SKA2: variants seen among roughly 807,000 people sequenced by gnomAD.
SKA2 encodes spindle and kinetochore-associated protein 2.
A neutral mutation model predicts 16.9 loss-of-function variants in SKA2; 13 were observed. The ratio of observed to expected loss-of-function variants is 0.77; its 90% CI spans 0.50 to 1.22. SKA2 has a LOEUF of 1.22. Ranked by LOEUF, SKA2 falls within the 50% of genes most tolerant of loss-of-function variation. The pLI is 0.00. For synonymous variants in SKA2, 47 were observed against 48.5 expected (o/e 0.97, Z 0.13); for missense variants, 107 against 139.7 (o/e 0.77, Z 1.18).
intron 1 of SKA2, among the ~76,000 whole-genome samples, chr17:59,144,590 G>T (rs1042821639): frequency 2.0e-5 from 3 of 152,284 alleles, no homozygotes; most frequent in South Asian, 4.1e-4. Context: ...TTAAAAAATT[G>T]AAGGAAATCT....
chr17:59,134,727 T>C (rs1252497455), intron 1 of SKA2, among the ~76,000 whole-genome samples: 1 of 152,108 alleles, frequency 6.6e-6, no homozygotes, highest in Non-Finnish European at 1.5e-5. Context: ...AACTGAGACC[T>C]CCAAGGTTTG....
intron 1 of SKA2, among the ~76,000 whole-genome samples, chr17:59,147,501 T>C (rs1454359783): frequency 6.6e-6 from 1 of 152,172 alleles, no homozygotes; most frequent in African/African-American, 2.4e-5. Flanking sequence ...ATTTTAGGTA[T>C]CTTTCTTCCC....
chr17:59,136,540 A>C (rs568447196), intron 1 of SKA2, among the ~76,000 whole-genome samples: 1 of 151,638 alleles, frequency 6.6e-6, no homozygotes, highest in South Asian at 2.1e-4. Context: ...GTTGAAAGAT[A>C]GAAAAATAAG....
intron 1 of SKA2, among the ~76,000 whole-genome samples, chr17:59,148,772 G>A (rs1312088282): frequency 8.0e-6 from 1 of 124,656 alleles, no homozygotes; most frequent in African/African-American, 3.2e-5. Context: ...GACCGCCACT[G>A]TACTGCAACC....
Position 59,110,236 on chromosome 17 carries a change from A to T in SKA2, c.*2041T>A, listed in dbSNP as rs2046254650. ...GAACAATGTTAAGGGGGCTGTGGGG[A>T]AAAAACAACATTTGGAAGATAACTG... is the stretch of plus-strand genomic sequence containing the variant. On this transcript the variant is annotated 3_prime_UTR_variant, in exon 4 of 4. Transcript: ENST00000330137. The T allele has an allele frequency of 6.6e-6, 1 of 152,174 alleles. No individual in the cohort carries two copies. The highest frequency in any genetic ancestry group is 1.9e-4 in the East Asian group (1 of 5,196). 9.4% of individuals were successfully genotyped at this position (152,174 alleles called of 1,614,324 possible).
intron 1 of SKA2, among the ~76,000 whole-genome samples, chr17:59,136,352 C>T (rs1271241706): frequency 3.3e-5 from 5 of 151,264 alleles, no homozygotes; most frequent in Non-Finnish European, 5.9e-5. Flanking sequence ...TTAGTAGAGA[C>T]GGGGTATCAC....
chr17:59,150,881 C>A (rs1375124166), intron 1 of SKA2, among the ~76,000 whole-genome samples: 2 of 152,024 alleles, frequency 1.3e-5, no homozygotes, highest in African/African-American at 4.8e-5. Context: ...TAACAGAAAG[C>A]AACAAATTAT....
chr17:59,144,243 TAA>T (rs1160207976), intron 1 of SKA2, among the ~76,000 whole-genome samples: 13 of 125,164 alleles, frequency 1.0e-4, no homozygotes, highest in Non-Finnish European at 1.2e-4. Flanking sequence ...ATAGTCACCA[TAA>T]AAAAAAAAAA....
chr17:59,121,724 G>A (rs1038458104), intron 2 of SKA2, among the ~76,000 whole-genome samples: 1 of 149,052 alleles, frequency 6.7e-6, no homozygotes, highest in African/African-American at 2.5e-5. Context: ...CGAGGCGGGC[G>A]GATTGCCTGA....
chr17:59,120,867 G>A (rs1345138771), intron 2 of SKA2, among the ~76,000 whole-genome samples: 2 of 151,922 alleles, frequency 1.3e-5, no homozygotes, highest in South Asian at 2.1e-4. Flanking sequence ...CAAACAAAGG[G>A]TTAGGCCGGG....
chr17:59,117,026 A>C (rs572079973), intron 3 of SKA2, among the ~76,000 whole-genome samples: 1 of 152,118 alleles, frequency 6.6e-6, no homozygotes, highest in South Asian at 2.1e-4. Context: ...CATGTCAGCC[A>C]GGATGGTCTC....
At chr17:59,136,629 A>G (rs1283957383) in intron 1 of SKA2, among the ~76,000 whole-genome samples, 1 of 151,448 alleles carries the variant, frequency 6.6e-6, no homozygotes, top group Non-Finnish European at 1.5e-5. Flanking sequence ...GCTGACTGCA[A>G]CCTCCACTTC....
At chr17:59,136,799 G>C (rs560817559) in intron 1 of SKA2, among the ~76,000 whole-genome samples, 1 of 151,902 alleles carries the variant, frequency 6.6e-6, no homozygotes, top group Non-Finnish European at 1.5e-5. Context: ...CGCCCTCCTC[G>C]GCCTCCAAAA....
At chr17:59,137,402 A>T (rs2147811386) in intron 1 of SKA2, among the ~76,000 whole-genome samples, 1 of 152,308 alleles carries the variant, frequency 6.6e-6, no homozygotes, top group African/African-American at 2.4e-5. Flanking sequence ...GTCAACTAAA[A>T]ATTCCCTCTG....
In SKA2 at chr17:59,131,263, A is replaced by C; in HGVS notation, c.120+18T>G. ...GTTAAGGCTGATTTTTTTTAAGCTT[A>C]TTTATTTCGGAGATTACCTCACTTG... On this transcript the variant is annotated intron_variant, in intron 2 of 3. Coordinates refer to ENST00000330137, the MANE Select transcript of SKA2 (RefSeq NM_182620.4). 1.3e-6 allele frequency: 2 copies of C among 1,549,638 alleles called. No homozygotes were observed. Among genetic ancestry groups the C allele is most frequent in the Non-Finnish European group, 1.8e-6 (2 of 1,142,350 alleles).
intron 2 of SKA2, among the ~76,000 whole-genome samples, chr17:59,125,059 C>T (rs898012595): frequency 2.0e-5 from 3 of 149,234 alleles, no homozygotes; most frequent in Non-Finnish European, 4.4e-5. Flanking sequence ...CCGCAACTTT[C>T]GCCTCCCAGG....
chr17:59,152,705 T>C (rs1209240884), intron 1 of SKA2, among the ~76,000 whole-genome samples: 1 of 152,116 alleles, frequency 6.6e-6, no homozygotes, highest in Non-Finnish European at 1.5e-5. Context: ...GGTCCACAAG[T>C]ATAACATTTT....
intron 1 of SKA2, among the ~76,000 whole-genome samples, chr17:59,144,255 A>G (rs1469542689): frequency 6.6e-6 from 1 of 152,122 alleles, no homozygotes; most frequent in African/African-American, 2.4e-5. Flanking sequence ...AAAAAAAAAA[A>G]AAAGACAAGT....
In SKA2 at chr17:59,151,174, A is replaced by G. The variant is rs748939940; in HGVS notation, c.33+3957T>C. On this transcript the variant is annotated intron_variant, in intron 1 of 3. Transcript: ENST00000330137. ...GCTTTGACAATACTATTGCACTGCT[A>G]GCTGTAAAGTACAGTAGTGCAATAA... The G allele has an allele frequency of 5.8e-6, 3 of 512,858 alleles. No individual in the cohort carries two copies. In the Admixed American group the frequency reaches 6.0e-5, roughly 10 times the overall value. 31.8% of individuals were successfully genotyped at this position (512,858 alleles called of 1,614,324 possible). A position where few individuals can be genotyped will look rare whatever the true frequency, so the allele number is the denominator to read the frequency against.
Sources: gnomAD v4.1 joint callset for allele counts (sites outside exome capture counted in the v4.1 genomes callset) on GRCh38, gnomAD v4.1.1 for gene constraint, MANE v1.5 for transcripts, NCBI Gene and HGNC (gene_info 2026-07-23, HGNC 2026-07-21) for gene names.